The following DNAJC21 variants were observed in gnomAD, a reference collection of about 807,000 sequenced individuals.
The protein encoded by DNAJC21 is dnaJ homolog subfamily C member 21.
DNAJC21 carries 63 observed loss-of-function variants against 72.4 expected under a neutral mutation model. That is an observed-to-expected ratio of 0.87 (90% CI 0.71 to 1.07). The LOEUF is 1.07. Ranked by LOEUF, DNAJC21 falls within the 50% of genes least tolerant of loss-of-function variation. The probability of loss-of-function intolerance (pLI) is 0.00; values close to 1 mark genes in which losing one functional copy is unlikely to be tolerated. For missense variants in DNAJC21, 634 were observed against 644.8 expected, an observed-to-expected ratio of 0.98 and a Z score of 0.18; for synonymous variants, 203 against 216.7, an observed-to-expected ratio of 0.94 and a Z score of 0.56.
At position 34,929,792 on chromosome 5, in the gene DNAJC21, C is replaced by T; in HGVS notation, c.-28C>T. ...CGGGCCCCGACCCCGTCCCGGGCCC[C>T]AGCGCCGGCCGCCCGCCCGGTCGGG... is the stretch of plus-strand genomic sequence containing the variant. On this transcript the variant is annotated 5_prime_UTR_variant, in exon 1 of 12. Transcript: ENST00000648817. The T allele has an allele frequency of 7.6e-7, 1 of 1,314,760 alleles. No homozygotes were observed. The highest frequency in any genetic ancestry group is 9.9e-7 in the Non-Finnish European group (1 of 1,007,298). The allele number at this position is 1,314,760 out of a possible 1,614,324, so 81.4% of individuals were successfully genotyped here.
At position 34,936,259 on chromosome 5, in the gene DNAJC21, A is replaced by G. The variant is rs746409541; in HGVS notation, c.431A>G (p.Tyr144Cys). 2.5e-6 allele frequency: 4 copies of G among 1,607,532 alleles called. No individual in the cohort carries two copies. The South Asian group carries it at 4.5e-5, about 18-fold the overall frequency. ...ACTTTTGGAGACTCCCAGAGTGACT[A>G]TGATACGGTAAAATAAAAATGCATT... ...FPTFGDSQSDYDTVVHPFYAY... is the reference protein window; with the variant it reads ...FPTFGDSQSDCDTVVHPFYAY... The change falls in exon 4 of 12, where the codon TAT (tyrosine) becomes TGT (cysteine). Residue 144 changes from tyrosine to cysteine, a missense_variant. Transcript: ENST00000648817.
chr5:34,938,827 G>T, intron 5 of DNAJC21, 31 bp from the exon 6 acceptor site: 1 of 1,551,422 alleles, frequency 6.4e-7, no homozygotes, highest in Non-Finnish European at 8.7e-7. Flanking sequence ...AGGCGTGCTT[G>T]TCGCTGTGAG....
rs757180547 is a variant in DNAJC21, at chr5:34,935,787, G to T, written c.269G>T (p.Arg90Leu). Residue 90 changes from arginine (R) to leucine (L), a missense_variant, in exon 3 of 12, where the codon CGC becomes CTC. Transcript: ENST00000648817. ...CAAGATGACAGCTTAGATTTGCTAC[G>T]CTATTTCACCGTTACCTGTTATTCT... Reference protein sequence around the residue: ...EYQDDSLDLLRYFTVTCYSGY... With the variant: ...EYQDDSLDLLLYFTVTCYSGY... 6.2e-7 allele frequency: 1 copy of T among 1,613,992 alleles called. No homozygotes were observed. Among genetic ancestry groups the T allele is most frequent in the Non-Finnish European group, 8.5e-7 (1 of 1,179,954 alleles).
chr5:34,950,848 AC>A, intron 10 of DNAJC21: 1 of 985,702 alleles, frequency 1.0e-6, no homozygotes. Context: ...AGGAGGTCTC[AC>A]CCAAGGGAGG....
intron 8 of DNAJC21, 121 bp downstream of exon 8, chr5:34,945,146 C>T: frequency 1.7e-6 from 2 of 1,160,666 alleles, no homozygotes; most frequent in Non-Finnish European, 2.4e-6. Flanking sequence ...GGCGCAGTCT[C>T]AGCTCACTGC....
In DNAJC21 at chr5:34,941,183, C is replaced by T. The variant is rs561936948; in HGVS notation, c.983C>T (p.Ala328Val). 27 of 1,613,208 alleles carry T rather than the reference C, an allele frequency of 1.7e-5. No homozygotes were observed. Among genetic ancestry groups the T allele is most frequent in the East Asian group, 6.7e-5 (3 of 44,876 alleles). Residue 328 changes from alanine to valine, a missense_variant and splice_region_variant, in exon 7 of 12, where the codon GCC becomes GTC. Physicochemically the swap from Ala to Val is moderately conservative, Grantham distance 64. Transcript: ENST00000648817. ...GACAAATCGTTCAAGACAGAAAAGG[C>T]GTAAGTTTATTAATTTAATTTAATT... is the stretch of plus-strand genomic sequence containing the variant. ...ACDKSFKTEKAMKNHEKSKKH... is the reference protein window; with the variant it reads ...ACDKSFKTEKVMKNHEKSKKH...
At chr5:34,930,201 C>G (rs1764539267) in intron 1 of DNAJC21, 1 of 221,814 alleles carries the variant, frequency 4.5e-6, no homozygotes, top group African/African-American at 2.3e-5. Flanking sequence ...TCACTTGCTC[C>G]CGCTACCGGG....
chr5:34,938,894 T>C lies in DNAJC21; in HGVS notation c.780T>C (p.Thr260=). Residue 260 remains threonine (T), a synonymous_variant, in exon 6 of 12, where the codon ACT becomes ACC. Coordinates refer to ENST00000648817, the MANE Select transcript of DNAJC21 (RefSeq NM_001012339.3). ...AGTACAGAGAACAGAGCTGGATGACTATGGCCAATTTGGAGAAAGAGCTCC... is the reference window on the plus strand; with the variant it reads ...AGTACAGAGAACAGAGCTGGATGACCATGGCCAATTTGGAGAAAGAGCTCC... ...VEQYREQSWM[T]MANLEKELQE... 1 of 1,614,076 alleles carries C rather than the reference T, an allele frequency of 6.2e-7. No homozygotes were observed. Among genetic ancestry groups the C allele is most frequent in the Non-Finnish European group, 8.5e-7 (1 of 1,180,014 alleles).
In DNAJC21 at chr5:34,953,999, A is replaced by G. The variant is rs757656933; in HGVS notation, c.1432A>G (p.Met478Val). The G allele has an allele frequency of 5.6e-6, 9 of 1,608,196 alleles. No individual in the cohort carries two copies. Among genetic ancestry groups the G allele is most frequent in the South Asian group, 1.1e-5 (1 of 89,662 alleles). Residue 478 changes from methionine (M) to valine (V), a missense_variant and splice_region_variant, in exon 11 of 12, where the codon ATG becomes GTG. Coordinates refer to ENST00000648817, the MANE Select transcript of DNAJC21 (RefSeq NM_001012339.3). ...PVRVPAEPQT[M>V]SVLISCTTCH... ...CAGAGTACCTGCTGAACCACAAACA[A>G]TGGTAGGTCAAAATCATATTCATAT... is the stretch of plus-strand genomic sequence containing the variant.
At chr5:34,946,754 G>A (rs554280293) in intron 9 of DNAJC21, among the ~76,000 whole-genome samples, 2 of 152,216 alleles carry the variant, frequency 1.3e-5, no homozygotes, top group African/African-American at 2.4e-5. Flanking sequence ...CTTTGTGTAT[G>A]TCAGTACCAT....
At position 34,954,774 on chromosome 5, in the gene DNAJC21, G is replaced by A. The variant is rs1384737760; in HGVS notation, c.*60G>A. 4 of 1,455,090 alleles carry A rather than the reference G, an allele frequency of 2.7e-6. No homozygotes were observed. Among genetic ancestry groups the A allele is most frequent in the Admixed American group, 4.8e-5 (2 of 41,620 alleles). 90.1% of individuals were successfully genotyped at this position (1,455,090 alleles called of 1,614,324 possible). ...GATTTTGAAACCAAAAAACTGAACT[G>A]AAATCATCTAAAGAGTTAAAATTTC... is the stretch of plus-strand genomic sequence containing the variant. On this transcript the variant is annotated 3_prime_UTR_variant, in exon 12 of 12. Transcript: ENST00000648817.
intron 10 of DNAJC21, among the ~76,000 whole-genome samples, chr5:34,952,894 T>G (rs887363143): frequency 1.3e-5 from 2 of 152,116 alleles, no homozygotes; most frequent in Non-Finnish European, 1.5e-5. Flanking sequence ...CTCACGCTTA[T>G]ATTCCCAGCA....
intron 4 of DNAJC21, among the ~76,000 whole-genome samples, chr5:34,936,918 T>G (rs550544686): frequency 6.6e-6 from 1 of 152,068 alleles, no homozygotes; most frequent in Non-Finnish European, 1.5e-5. Flanking sequence ...GCTCAGCTAA[T>G]TTTTGTATTT....
chr5:34,958,402 C>T lies in DNAJC21; in HGVS notation c.*3688C>T, dbSNP rs993080442. ...CTATGGGGAAAACAATATGTACTAC[C>T]TTATACCCTTCCCCAAAAACAAAGG... On this transcript the variant is annotated 3_prime_UTR_variant, in exon 12 of 12. Coordinates refer to ENST00000648817, the MANE Select transcript of DNAJC21 (RefSeq NM_001012339.3). 2 of 152,104 alleles carry T rather than the reference C, an allele frequency of 1.3e-5. No homozygotes were observed. Among genetic ancestry groups the T allele is most frequent in the Non-Finnish European group, 2.9e-5 (2 of 68,026 alleles). The allele number at this position is 152,104 out of a possible 1,614,324, so 9.4% of individuals were successfully genotyped here.
chr5:34,936,576 T>A (rs535540102), intron 4 of DNAJC21, among the ~76,000 whole-genome samples: 1 of 152,312 alleles, frequency 6.6e-6, no homozygotes, highest in Admixed American at 6.5e-5. Flanking sequence ...CCCAAAAGAT[T>A]GGGATTACAG....
At position 34,955,151 on chromosome 5, in the gene DNAJC21, C is replaced by G. The variant is rs1765498917; in HGVS notation, c.*437C>G. 1 of 152,634 alleles carries G rather than the reference C, an allele frequency of 6.6e-6. No homozygotes were observed. The highest frequency in any genetic ancestry group is 2.1e-4 in the South Asian group (1 of 4,840). The allele number at this position is 152,634 out of a possible 1,614,324, so 9.5% of individuals were successfully genotyped here. On this transcript the variant is annotated 3_prime_UTR_variant, in exon 12 of 12. Transcript: ENST00000648817. ...GGATCTTTTAAAAAGCATCATAGAT[C>G]ATTTTTCCATATGACACTGGTTCCG...
intron 9 of DNAJC21, among the ~76,000 whole-genome samples, chr5:34,948,280 C>G (rs992414135): frequency 7.9e-5 from 12 of 152,180 alleles, no homozygotes; most frequent in Non-Finnish European, 1.5e-4. Context: ...CTAATGCACA[C>G]GTTTTGGTTT....
rs1410332698 is a variant in DNAJC21 at position 34,958,313 on chromosome 5, TAA to T, written c.*3601_*3602del. The T allele has an allele frequency of 6.6e-6, 1 of 152,176 alleles. No individual in the cohort carries two copies. The highest frequency in any genetic ancestry group is 2.4e-5 in the African/African-American group (1 of 41,442). 9.4% of individuals were successfully genotyped at this position (152,176 alleles called of 1,614,324 possible). A position where few individuals can be genotyped will look rare whatever the true frequency, so the allele number is the denominator to read the frequency against. ...TCAGTCAAGGGATCCCTGACGAGAA[TAA>T]AGAGCCCAGAAACAGGTCCATGTTT... On this transcript the variant is annotated 3_prime_UTR_variant, in exon 12 of 12. Coordinates refer to ENST00000648817, the MANE Select transcript of DNAJC21 (RefSeq NM_001012339.3).
At chr5:34,931,721 C>T (rs1764601638) in intron 1 of DNAJC21, among the ~76,000 whole-genome samples, 1 of 151,938 alleles carries the variant, frequency 6.6e-6, no homozygotes, top group South Asian at 2.1e-4. Context: ...TTGAAGAGGG[C>T]TGGAGACAGA....
Sources: gnomAD v4.1 joint callset for allele counts (sites outside exome capture counted in the v4.1 genomes callset) on GRCh38, gnomAD v4.1.1 for gene constraint, MANE v1.5 for transcripts, NCBI Gene and HGNC (gene_info 2026-07-23, HGNC 2026-07-21) for gene names.